Variants in SORBS2 observed in about 807,000 individuals in gnomAD.
SORBS2 encodes the protein sorbin and SH3 domain-containing protein 2.
In SORBS2, 46 loss-of-function variants were observed where a neutral mutation model predicts 97.7. That is an observed-to-expected ratio of 0.47 (90% CI 0.37 to 0.60). The LOEUF is 0.60. Among genes scored for constraint, SORBS2 ranks in the 20% least tolerant of loss-of-function variants. The pLI is 0.00. For synonymous variants in SORBS2, 476 were observed against 473.4 expected, an observed-to-expected ratio of 1.01 and a Z score of -0.07; for missense variants, 1,316 against 1,282.3, an observed-to-expected ratio of 1.03 and a Z score of -0.40.
intron 1 of SORBS2, among the ~76,000 whole-genome samples, chr4:185,942,081 A>T (rs2099272291): frequency 6.6e-6 from 1 of 152,060 alleles, no homozygotes; most frequent in Non-Finnish European, 1.5e-5. Context: ...ATGCCACTGC[A>T]CTCCAGCTGG....
chr4:185,698,239 G>A (rs1196226181), intron 2 of SORBS2, among the ~76,000 whole-genome samples: 1 of 152,196 alleles, frequency 6.6e-6, no homozygotes, highest in African/African-American at 2.4e-5. Context: ...ACTTTGGGAG[G>A]CCGAGGCAGG....
chr4:185,675,852 T>C (rs1486106288), intron 4 of SORBS2, among the ~76,000 whole-genome samples: 1 of 152,188 alleles, frequency 6.6e-6, no homozygotes, highest in Non-Finnish European at 1.5e-5. Flanking sequence ...GATATTTTAG[T>C]AGAGGTATGA....
At chr4:185,840,484 C>T (rs1499010) in intron 1 of SORBS2, among the ~76,000 whole-genome samples, 1 of 151,912 alleles carries the variant, frequency 6.6e-6, no homozygotes, top group Non-Finnish European at 1.5e-5. Flanking sequence ...TCCTCTAAAC[C>T]TGTCTGTAGA....
chr4:185,833,533 A>G (rs1003749959), intron 1 of SORBS2, among the ~76,000 whole-genome samples: 7 of 152,240 alleles, frequency 4.6e-5, no homozygotes, highest in African/African-American at 1.7e-4. Flanking sequence ...CACTTTTTAA[A>G]TGGAATGGTT....
At chr4:185,730,039 G>A (rs183942342) in intron 2 of SORBS2, among the ~76,000 whole-genome samples, 356 of 152,020 alleles carry the variant, frequency 2.3e-3, no homozygotes, top group Non-Finnish European at 3.5e-3. Context: ...TGCAAGCTCC[G>A]CCTCCCGGGT....
chr4:185,930,805 ATTCTG>A (rs2099266047), intron 1 of SORBS2, among the ~76,000 whole-genome samples: 2 of 152,234 alleles, frequency 1.3e-5, no homozygotes, highest in Admixed American at 1.3e-4. Context: ...AAGAAGCAGA[ATTCTG>A]TGATGGAAAA....
intron 1 of SORBS2, among the ~76,000 whole-genome samples, chr4:185,782,473 C>A (rs1419994338): frequency 6.6e-6 from 1 of 152,198 alleles, no homozygotes; most frequent in Non-Finnish European, 1.5e-5. Context: ...CCCTGATAAA[C>A]ATTTCTTCTG....
chr4:185,701,590 A>AGTTAATTAT (rs2098263555), intron 2 of SORBS2, among the ~76,000 whole-genome samples: 1 of 152,192 alleles, frequency 6.6e-6, no homozygotes, highest in Non-Finnish European at 1.5e-5. Context: ...CATTGATTCT[A>AGTTAATTAT]GTTAATTATG....
rs886836695 is a variant in SORBS2 at position 185,816,008 on chromosome 4, T to C, written c.-337-40642A>G. Among the ~76,000 whole-genome samples, 10 of 152,314 alleles carry C rather than the reference T, an allele frequency of 6.6e-5. No individual in the cohort carries two copies. In the East Asian group the frequency reaches 9.6e-4, roughly 15 times the overall value. On this transcript the variant is annotated intron_variant, in intron 1 of 20. Coordinates refer to the SORBS2 transcript ENST00000284776. The stretch of plus-strand genomic sequence containing the variant: ...TTATCAGAGTTGAAACTAAAGAAGT[T>C]AATAAGTTATGGAGTAACTAAAGTG...
chr4:185,602,288 A>G (rs917256939), intron 12 of SORBS2, among the ~76,000 whole-genome samples: 3 of 152,200 alleles, frequency 2.0e-5, no homozygotes, highest in South Asian at 4.1e-4. Context: ...GATTACAGGC[A>G]TGAGCCACCG....
chr4:185,705,013 A>G (rs1258711132), intron 2 of SORBS2, among the ~76,000 whole-genome samples: 1 of 152,244 alleles, frequency 6.6e-6, no homozygotes, highest in East Asian at 1.9e-4. Flanking sequence ...AGCATGGCAG[A>G]TAAACGTGAG....
chr4:185,771,029 G>A (rs2098967598), intron 2 of SORBS2: 1 of 131,854 alleles, frequency 7.6e-6, no homozygotes, highest in Non-Finnish European at 1.5e-5. Flanking sequence ...TGCCCAGGCT[G>A]GAGTGCAATG....
chr4:185,656,474 C>G, intron 1 of SORBS2: 1 of 298,272 alleles, frequency 3.4e-6, no homozygotes, highest in Non-Finnish European at 6.1e-6. Flanking sequence ...CTTTCCCATT[C>G]TTTGCCTCTA....
intron 1 of SORBS2, among the ~76,000 whole-genome samples, chr4:185,902,452 C>G (rs930241615): frequency 3.9e-5 from 6 of 151,944 alleles, no homozygotes; most frequent in Admixed American, 3.9e-4. Context: ...GAGTAAATGG[C>G]CTGTGAAGTA....
chr4:185,827,318 TCAC>T (rs2099201250), intron 1 of SORBS2, among the ~76,000 whole-genome samples: 3 of 109,592 alleles, frequency 2.7e-5, no homozygotes, highest in Non-Finnish European at 6.0e-5. Flanking sequence ...ATCACCATCA[TCAC>T]CATCATCATC....
At chr4:185,727,249 G>A (rs939487939) in intron 2 of SORBS2, among the ~76,000 whole-genome samples, 3 of 152,184 alleles carry the variant, frequency 2.0e-5, no homozygotes. Context: ...AGAGTGGACA[G>A]ATTCTTAAGG....
intron 1 of SORBS2, among the ~76,000 whole-genome samples, chr4:185,791,252 A>C (rs1450955975): frequency 6.7e-6 from 1 of 148,264 alleles, no homozygotes; most frequent in Non-Finnish European, 1.5e-5. Context: ...TGGGCAATAC[A>C]TTTATGAATA....
At chr4:185,855,185 G>T (rs1201191584) in intron 1 of SORBS2, among the ~76,000 whole-genome samples, 1 of 152,080 alleles carries the variant, frequency 6.6e-6, no homozygotes, top group East Asian at 1.9e-4. Context: ...GATTTTAGGA[G>T]CTATTGCTGT....
intron 13 of SORBS2, chr4:185,593,515 C>T (rs1024695230): frequency 2.6e-5 from 5 of 188,962 alleles, no homozygotes; most frequent in South Asian, 1.4e-4. Context: ...CCACTTTTAC[C>T]GTCTCCCAGT....
Sources: allele counts gnomAD v4.1 joint callset (sites outside exome capture counted in the v4.1 genomes callset), GRCh38; gene constraint gnomAD v4.1.1; transcripts MANE v1.5; gene names NCBI Gene and HGNC (gene_info 2026-07-23, HGNC 2026-07-21).